The following PCDH15 variants were observed in gnomAD, a reference collection of about 807,000 sequenced individuals.
PCDH15 encodes protocadherin-15.
Under a neutral mutation model 178.5 loss-of-function variants are expected in PCDH15, and 129 were observed. The observed-to-expected ratio is 0.72, with a 90% CI of 0.63 to 0.84. PCDH15 has a LOEUF of 0.84. Among genes scored for constraint, PCDH15 ranks in the 40% least tolerant of loss-of-function variants. The pLI, the probability that PCDH15 is intolerant of heterozygous loss-of-function variation, is 0.00. For missense variants in PCDH15, 2,230 were observed against 2,099.9 expected, an observed-to-expected ratio of 1.06 and a Z score of -1.21; for synonymous variants, 800 against 732.0, an observed-to-expected ratio of 1.09 and a Z score of -1.50.
intron 2 of PCDH15, among the ~76,000 whole-genome samples, chr10:55,327,825 G>C (rs1388478040): frequency 6.6e-6 from 1 of 151,854 alleles, no homozygotes; most frequent in African/African-American, 2.4e-5. Flanking sequence ...AAATGTGTTT[G>C]TTTTTTTGTT....
intron 2 of PCDH15, among the ~76,000 whole-genome samples, chr10:55,378,709 A>G (rs1242690198): frequency 1.3e-5 from 2 of 152,132 alleles, no homozygotes; most frequent in Non-Finnish European, 2.9e-5. Flanking sequence ...GAAAGCATCA[A>G]TGAAAGAATT....
intron 21 of PCDH15, among the ~76,000 whole-genome samples, chr10:53,963,164 C>A (rs2088553430): frequency 6.6e-6 from 1 of 152,112 alleles, no homozygotes; most frequent in Non-Finnish European, 1.5e-5. Flanking sequence ...TTCTTCAAGA[C>A]TGTCCTTGAA....
intron 1 of PCDH15, among the ~76,000 whole-genome samples, chr10:54,692,150 T>C (rs2095133393): frequency 6.6e-6 from 1 of 152,166 alleles, no homozygotes; most frequent in African/African-American, 2.4e-5. Flanking sequence ...TTTATTATAT[T>C]ATTATATTCA....
chr10:53,994,607 T>C (rs555499919), intron 21 of PCDH15: 2 of 152,270 alleles, frequency 1.3e-5, no homozygotes, highest in African/African-American at 2.4e-5. Context: ...TATTGATGGG[T>C]TCAAGTCTAT....
intron 2 of PCDH15, among the ~76,000 whole-genome samples, chr10:55,477,134 C>A (rs919965459): frequency 6.6e-6 from 1 of 151,880 alleles, no homozygotes; most frequent in Non-Finnish European, 1.5e-5. Context: ...GATACCCCTA[C>A]CTCCTCCCCA....
intron 5 of PCDH15, among the ~76,000 whole-genome samples, chr10:54,356,584 T>C (rs35268473): frequency 0.054 from 8,167 of 151,852 alleles, 254 homozygotes; most frequent in Admixed American, 0.099. Context: ...TGTATATTTA[T>C]CATACACACA....
At chr10:54,606,411 T>C (rs1937410) in intron 2 of PCDH15, 143,740 of 152,174 alleles carry the variant, frequency 0.94, 68,056 homozygotes, top group Middle Eastern at 0.98. Flanking sequence ...AAACCCTTCA[T>C]AGAGGACAAG....
intron 3 of PCDH15, among the ~76,000 whole-genome samples, chr10:54,483,239 C>G (rs1264886979): frequency 6.6e-6 from 1 of 151,714 alleles, no homozygotes; most frequent in Non-Finnish European, 1.5e-5. Context: ...TTAGAGGGGT[C>G]ATATTTGCAG....
chr10:55,247,766 A>G (rs1003978475), intron 1 of PCDH15: 1 of 151,778 alleles, frequency 6.6e-6, no homozygotes, highest in African/African-American at 2.4e-5. Flanking sequence ...AACATATACA[A>G]ATTGGCCAGG....
chr10:55,090,803 G>A (rs926925864), intron 2 of PCDH15, among the ~76,000 whole-genome samples: 3 of 151,912 alleles, frequency 2.0e-5, no homozygotes, highest in Admixed American at 6.6e-5. Flanking sequence ...GCACTGATTT[G>A]GAAGACACTG....
intron 8 of PCDH15, among the ~76,000 whole-genome samples, chr10:54,276,331 A>G (rs1234783518): frequency 2.0e-5 from 3 of 151,816 alleles, no homozygotes; most frequent in Non-Finnish European, 4.4e-5. Flanking sequence ...AAAAATGGGA[A>G]AAAATATGAA....
chr10:55,136,261 T>C (rs892811911), intron 2 of PCDH15, among the ~76,000 whole-genome samples: 3 of 152,184 alleles, frequency 2.0e-5, no homozygotes, highest in Non-Finnish European at 2.9e-5. Flanking sequence ...GGTTAGATAC[T>C]ACATTTGCTG....
At chr10:55,591,422 G>A (rs1226157008) in intron 2 of PCDH15, among the ~76,000 whole-genome samples, 2 of 151,856 alleles carry the variant, frequency 1.3e-5, no homozygotes, top group African/African-American at 4.8e-5. Context: ...GTAACGGAGT[G>A]AGACTCTCTC....
At chr10:54,034,200 T>C (rs1442457561) in intron 18 of PCDH15, among the ~76,000 whole-genome samples, 1 of 151,836 alleles carries the variant, frequency 6.6e-6, no homozygotes, top group East Asian at 1.9e-4. Flanking sequence ...GAGAGAAAAA[T>C]ATCTCTTAAT....
intron 17 of PCDH15, among the ~76,000 whole-genome samples, chr10:54,068,900 C>T (rs2094187773): frequency 6.6e-6 from 1 of 152,144 alleles, no homozygotes; most frequent in Admixed American, 6.5e-5. Flanking sequence ...CACAAACATA[C>T]ACATGTGTGT....
chr10:55,328,930 AT>A lies in PCDH15; in HGVS notation c.-155-162280del, dbSNP rs1222855015. On this transcript the variant is annotated intron_variant, in intron 2 of 5. Coordinates refer to the PCDH15 transcript ENST00000613346. ...CACACAAACATATATATATATATATATATATATATATATATATATAAAATAT... is the reference window on the plus strand; with the variant it reads ...CACACAAACATATATATATATATATAATATATATATATATATATAAAATAT... 1.5e-3 allele frequency among the ~76,000 whole-genome samples: 197 copies of A among 132,162 alleles called. 2 individuals carry two copies. Among genetic ancestry groups the A allele is most frequent in the African/African-American group, 5.2e-3 (184 of 35,098 alleles). The allele number at this position is 132,162 out of a possible 152,430, so 86.7% of individuals were successfully genotyped here.
At chr10:53,837,551 C>CCGT (rs2077378727) in intron 29 of PCDH15, among the ~76,000 whole-genome samples, 1 of 152,112 alleles carries the variant, frequency 6.6e-6, no homozygotes, top group Admixed American at 6.6e-5. Context: ...GATTTCTAAT[C>CCGT]CTTTGACCTG....
At chr10:55,228,820 A>C (rs1339227494) in intron 1 of PCDH15, among the ~76,000 whole-genome samples, 1 of 151,942 alleles carries the variant, frequency 6.6e-6, no homozygotes, top group Admixed American at 6.6e-5. Context: ...ATCTTATTTC[A>C]GTTATATCTG....
intron 2 of PCDH15, among the ~76,000 whole-genome samples, chr10:55,563,697 A>G (rs1039556804): frequency 2.6e-5 from 4 of 151,780 alleles, no homozygotes; most frequent in African/African-American, 7.3e-5. Flanking sequence ...TAAAATAACC[A>G]TTATAATGGT....
Sources: allele counts gnomAD v4.1 joint callset (sites outside exome capture counted in the v4.1 genomes callset), GRCh38; gene constraint gnomAD v4.1.1; transcripts MANE v1.5; gene names NCBI Gene and HGNC (gene_info 2026-07-23, HGNC 2026-07-21).